Variants in MAGI1 observed in about 807,000 individuals in gnomAD.
MAGI1 encodes membrane-associated guanylate kinase, WW and PDZ domain-containing protein 1.
In MAGI1, 58 loss-of-function variants were observed where a neutral mutation model predicts 139.9. The ratio of observed to expected loss-of-function variants is 0.41; its 90% CI spans 0.34 to 0.52. The LOEUF (loss-of-function observed/expected upper bound fraction) is 0.52. Among genes scored for constraint, MAGI1 ranks in the 20% least tolerant of loss-of-function variants. The probability of loss-of-function intolerance (pLI) is 0.12; values close to 1 mark genes in which losing one functional copy is unlikely to be tolerated. For synonymous variants in MAGI1, 812 were observed against 737.9 expected (o/e 1.10, Z -1.63); for missense variants, 1,874 against 1,901.6 (o/e 0.99, Z 0.27).
At chr3:65,740,076 A>G (rs942868988) in intron 1 of MAGI1, among the ~76,000 whole-genome samples, 2 of 152,234 alleles carry the variant, frequency 1.3e-5, no homozygotes, top group African/African-American at 4.8e-5. Flanking sequence ...GCTTTCAAGC[A>G]CTAGTTTATC....
At chr3:66,037,761 G>A (rs1356475384) in intron 1 of MAGI1, among the ~76,000 whole-genome samples, 2 of 152,164 alleles carry the variant, frequency 1.3e-5, no homozygotes, top group African/African-American at 4.8e-5. Flanking sequence ...AGCCAGGCCT[G>A]AGAAACGTCC....
chr3:65,808,048 T>G (rs139954523), intron 1 of MAGI1, among the ~76,000 whole-genome samples: 5,572 of 150,110 alleles, frequency 0.037, 340 homozygotes, highest in African/African-American at 0.13. Context: ...CAGGCTGGAG[T>G]GATCTTGGCT....
chr3:66,000,247 A>G (rs979411937), intron 1 of MAGI1, among the ~76,000 whole-genome samples: 1 of 152,042 alleles, frequency 6.6e-6, no homozygotes. Flanking sequence ...AAGTGCCCAG[A>G]TTACAGGCTC....
At chr3:65,963,828 A>C (rs2064597155) in intron 1 of MAGI1, among the ~76,000 whole-genome samples, 1 of 152,230 alleles carries the variant, frequency 6.6e-6, no homozygotes, top group African/African-American at 2.4e-5. Flanking sequence ...TATTTATTTC[A>C]AGATTTGGCA....
At chr3:65,612,942 T>G (rs2083195203) in intron 2 of MAGI1, among the ~76,000 whole-genome samples, 1 of 152,154 alleles carries the variant, frequency 6.6e-6, no homozygotes, top group Non-Finnish European at 1.5e-5. Flanking sequence ...ATAAAGCAAT[T>G]AAATAAATTA....
chr3:65,547,238 G>A (rs2079548462), intron 2 of MAGI1, among the ~76,000 whole-genome samples: 2 of 152,194 alleles, frequency 1.3e-5, no homozygotes, highest in African/African-American at 4.8e-5. Flanking sequence ...GACTCTTACA[G>A]TGGCTTAGAT....
Position 65,429,129 on chromosome 3 carries a change from T to C in MAGI1, c.2167+391A>G, listed in dbSNP as rs1947288369. On this transcript the variant is annotated intron_variant, in intron 12 of 22. Coordinates refer to ENST00000402939, the MANE Select transcript of MAGI1 (RefSeq NM_001033057.2). Reference sequence around the variant, plus strand: ...TAAAGGTTATTATTTTTTATATATATATAAAAAAACTTTTTAGAGAATGGG... The same window carrying C: ...TAAAGGTTATTATTTTTTATATATACATAAAAAAACTTTTTAGAGAATGGG... 2.6e-5 allele frequency among the ~76,000 whole-genome samples: 4 copies of C among 151,968 alleles called. No homozygotes were observed. In the South Asian group the frequency reaches 6.2e-4, roughly 24 times the overall value.
intron 1 of MAGI1, among the ~76,000 whole-genome samples, chr3:65,984,217 C>A (rs533637161): frequency 1.8e-4 from 28 of 152,104 alleles, no homozygotes; most frequent in Non-Finnish European, 3.7e-4. Flanking sequence ...TCACTTGAAG[C>A]CAGGAGGCAG....
At chr3:65,359,023 G>A in intron 22 of MAGI1, 1 of 1,552,864 alleles carries the variant, frequency 6.4e-7, no homozygotes, top group South Asian at 1.1e-5. Context: ...AGGAAATTAG[G>A]CCACAGCACA....
At chr3:65,940,784 G>C (rs1429280191) in intron 1 of MAGI1, among the ~76,000 whole-genome samples, 1 of 152,138 alleles carries the variant, frequency 6.6e-6, no homozygotes, top group Admixed American at 6.5e-5. Flanking sequence ...GCACAATCCA[G>C]AGGCAACCCA....
chr3:65,540,310 C>T (rs1399660718), intron 2 of MAGI1, among the ~76,000 whole-genome samples: 2 of 152,162 alleles, frequency 1.3e-5, no homozygotes, highest in East Asian at 3.9e-4. Flanking sequence ...ATCCCCCTCA[C>T]CCTGATTCAT....
At chr3:65,880,608 C>T (rs1240023952) in intron 1 of MAGI1, among the ~76,000 whole-genome samples, 1 of 151,988 alleles carries the variant, frequency 6.6e-6, no homozygotes, top group East Asian at 1.9e-4. Context: ...TATGAAATGG[C>T]CATGTCATAA....
At chr3:65,747,427 C>G (rs1490973665) in intron 1 of MAGI1, among the ~76,000 whole-genome samples, 2 of 152,206 alleles carry the variant, frequency 1.3e-5, no homozygotes, top group Non-Finnish European at 2.9e-5. Flanking sequence ...CAAAATTCCA[C>G]TCTTCTCACT....
At chr3:65,486,723 G>A (rs1951661178) in intron 3 of MAGI1, among the ~76,000 whole-genome samples, 1 of 152,140 alleles carries the variant, frequency 6.6e-6, no homozygotes, top group Non-Finnish European at 1.5e-5. Flanking sequence ...TGCCTTGTGA[G>A]GGATGATAAT....
At chr3:65,396,726 T>TA (rs1432867812) in intron 13 of MAGI1, among the ~76,000 whole-genome samples, 2 of 152,196 alleles carry the variant, frequency 1.3e-5, no homozygotes, top group African/African-American at 4.8e-5. Context: ...CTGCAGCGAT[T>TA]TACATGGACA....
rs891510802 is a variant in MAGI1 at position 65,435,374 on chromosome 3, T to C, written c.1363+1781A>G. On this transcript the variant is annotated intron_variant, in intron 10 of 22. Coordinates refer to ENST00000402939, the MANE Select transcript of MAGI1 (RefSeq NM_001033057.2). Reference sequence around the variant, plus strand: ...AAGTCTTAGTTGGTGCACTAAGCATTTGGCACTCAGAACCTGAACCTTTAC... The same window carrying C: ...AAGTCTTAGTTGGTGCACTAAGCATCTGGCACTCAGAACCTGAACCTTTAC... 9.2e-5 allele frequency among the ~76,000 whole-genome samples: 14 copies of C among 152,288 alleles called. No homozygotes were observed. In the South Asian group the frequency reaches 2.7e-3, roughly 29 times the overall value.
chr3:65,448,896 T>A (rs1948843413), intron 6 of MAGI1, among the ~76,000 whole-genome samples: 1 of 152,142 alleles, frequency 6.6e-6, no homozygotes, highest in Admixed American at 6.5e-5. Context: ...AAAAATCATT[T>A]CATACATAAT....
chr3:65,677,718 C>T (rs2087287690), intron 1 of MAGI1, among the ~76,000 whole-genome samples: 1 of 152,222 alleles, frequency 6.6e-6, no homozygotes, highest in East Asian at 1.9e-4. Flanking sequence ...TCTTTCGTAT[C>T]CACGTCAAAG....
At chr3:65,969,346 T>C (rs969295078) in intron 1 of MAGI1, among the ~76,000 whole-genome samples, 2 of 152,202 alleles carry the variant, frequency 1.3e-5, no homozygotes, top group African/African-American at 4.8e-5. Context: ...TGGTTCTGTG[T>C]TAGGGGCTGG....
Sources: gnomAD v4.1 joint callset for allele counts (sites outside exome capture counted in the v4.1 genomes callset) on GRCh38, gnomAD v4.1.1 for gene constraint, MANE v1.5 for transcripts, NCBI Gene and HGNC (gene_info 2026-07-23, HGNC 2026-07-21) for gene names.